The following RNF13 variants were observed in gnomAD, a reference collection of about 807,000 sequenced individuals.
RNF13 encodes the protein E3 ubiquitin-protein ligase RNF13.
Under a neutral mutation model 37.7 loss-of-function variants are expected in RNF13, and 19 were observed. The observed-to-expected ratio is 0.50, with a 90% CI of 0.35 to 0.74. The LOEUF (loss-of-function observed/expected upper bound fraction) is 0.74, where lower values mean the gene tolerates loss of function less well. Among genes scored for constraint, RNF13 ranks in the 30% least tolerant of loss-of-function variants. RNF13 has a pLI of 0.01. For synonymous variants in RNF13, 144 were observed against 157.8 expected (o/e 0.91, Z 0.65); for missense variants, 375 against 453.0 (o/e 0.83, Z 1.56).
intron 1 of RNF13, among the ~76,000 whole-genome samples, chr3:149,835,429 C>A (rs1469868485): frequency 1.3e-5 from 2 of 152,052 alleles, no homozygotes; most frequent in East Asian, 3.9e-4. Context: ...CCCCCTCCTA[C>A]CCTTTCCCCT....
intron 2 of RNF13, among the ~76,000 whole-genome samples, chr3:149,851,869 C>A (rs902098931): frequency 2.0e-5 from 3 of 152,086 alleles, no homozygotes; most frequent in African/African-American, 7.2e-5. Context: ...TCTAAAAGCA[C>A]AAAGAACTTT....
intron 8 of RNF13, among the ~76,000 whole-genome samples, chr3:149,953,447 A>T (rs1008657141): frequency 6.6e-6 from 1 of 152,230 alleles, no homozygotes; most frequent in African/African-American, 2.4e-5. Flanking sequence ...ATATGAAACC[A>T]TGGGAGATGG....
intron 8 of RNF13, among the ~76,000 whole-genome samples, chr3:149,941,415 T>C (rs1258672078): frequency 6.6e-6 from 1 of 152,166 alleles, no homozygotes; most frequent in Non-Finnish European, 1.5e-5. Flanking sequence ...ATTGTTTTGA[T>C]TTGCATTTCC....
At chr3:149,852,712 T>C (rs1270523032) in intron 3 of RNF13, 116 bp downstream of exon 3, 3 of 466,412 alleles carry the variant, frequency 6.4e-6, no homozygotes, top group African/African-American at 6.1e-5. Flanking sequence ...AAAGCCTATA[T>C]ATAGTCATTT....
rs1373839714 is a variant in RNF13, at chr3:149,956,378, G to A, written c.701-3678G>A. On this transcript the variant is annotated intron_variant, in intron 8 of 9. Transcript: ENST00000392894. Reference sequence around the variant, plus strand: ...TCCAGGATCTGGTGACAGATGGTATGAAGGCTCTAAGCAAAAGAAGCATCA... The same window carrying A: ...TCCAGGATCTGGTGACAGATGGTATAAAGGCTCTAAGCAAAAGAAGCATCA... 2.6e-5 allele frequency among the ~76,000 whole-genome samples: 4 copies of A among 152,210 alleles called. No homozygotes were observed. In the East Asian group the frequency reaches 7.7e-4, roughly 29 times the overall value.
At chr3:149,946,561 T>C (rs920423017) in intron 8 of RNF13, among the ~76,000 whole-genome samples, 1 of 152,248 alleles carries the variant, frequency 6.6e-6, no homozygotes, top group Non-Finnish European at 1.5e-5. Flanking sequence ...GCTGTATGTT[T>C]CTAGGAATTT....
rs1317084791 is a variant in RNF13 at position 149,943,047 on chromosome 3, A to G, written c.701-17009A>G. Among the ~76,000 whole-genome samples, 6 of 152,248 alleles carry G rather than the reference A, an allele frequency of 3.9e-5. No individual in the cohort carries two copies. In the East Asian group the frequency reaches 1.2e-3, roughly 29 times the overall value. On this transcript the variant is annotated intron_variant, in intron 8 of 9. Coordinates refer to ENST00000392894, the MANE Select transcript of RNF13 (RefSeq NM_183381.3). ...ATGAATAAGTCCCACTGGTCATGGT[A>G]TATAATCCTTTTAATGTACTGTTGA...
Position 149,961,146 on chromosome 3 carries a change from G to T in RNF13, c.*42G>T, listed in dbSNP as rs769631259. ...GGTTTATTTCCCTTTAAAATGATTA[G>T]GTATATACTGTAATTTGATTTTTTG... On this transcript the variant is annotated 3_prime_UTR_variant, in exon 10 of 10. Transcript: ENST00000392894. 6.6e-7 allele frequency: 1 copy of T among 1,511,082 alleles called. No homozygotes were observed. The highest frequency in any genetic ancestry group is 1.3e-5 in the South Asian group (1 of 76,448). The allele number at this position is 1,511,082 out of a possible 1,614,324, so 93.6% of individuals were successfully genotyped here.
At chr3:149,932,958 G>C (rs367760764) in intron 8 of RNF13, among the ~76,000 whole-genome samples, 31 of 152,226 alleles carry the variant, frequency 2.0e-4, no homozygotes, top group African/African-American at 7.5e-4. Context: ...TTCTGCCTGG[G>C]ACCCAGGCTT....
intron 7 of RNF13, among the ~76,000 whole-genome samples, chr3:149,915,202 T>C (rs928954179): frequency 1.9e-4 from 29 of 152,242 alleles, no homozygotes; most frequent in Non-Finnish European, 4.4e-5. Flanking sequence ...TTCCTTATAT[T>C]CTGGGGATAA....
At chr3:149,846,694 G>T (rs1722671099) in intron 2 of RNF13, among the ~76,000 whole-genome samples, 1 of 152,188 alleles carries the variant, frequency 6.6e-6, no homozygotes, top group Non-Finnish European at 1.5e-5. Context: ...GAGGGTATGT[G>T]TGCACATGTG....
Position 149,860,032 on chromosome 3 carries a change from C to T in RNF13, c.195+7436C>T, listed in dbSNP as rs138321002. ...CTGTAATCCCAGCACTTGGGGAGCC[C>T]GAGGCAGGTGGAGCATTTGAGGTCA... On this transcript the variant is annotated intron_variant, in intron 3 of 9. Transcript: ENST00000392894. Among the ~76,000 whole-genome samples, 246 of 151,588 alleles carry T rather than the reference C, an allele frequency of 1.6e-3. 1 individual carries two copies. Among genetic ancestry groups the T allele is most frequent in the African/African-American group, 5.5e-3 (228 of 41,342 alleles).
intron 6 of RNF13, among the ~76,000 whole-genome samples, 195 bp downstream of exon 6, chr3:149,902,357 A>C (rs929705476): frequency 1.3e-5 from 2 of 152,072 alleles, no homozygotes; most frequent in African/African-American, 4.8e-5. Context: ...GATTATGTTG[A>C]AAATATATTC....
chr3:149,917,482 A>G (rs1439574871), intron 7 of RNF13: 1 of 152,140 alleles, frequency 6.6e-6, no homozygotes, highest in Admixed American at 6.6e-5. Context: ...AGTGAGAAAC[A>G]CTTCCTCCTT....
At chr3:149,821,232 C>T (rs1422403520) in intron 1 of RNF13, among the ~76,000 whole-genome samples, 1 of 152,106 alleles carries the variant, frequency 6.6e-6, no homozygotes, top group Non-Finnish European at 1.5e-5. Flanking sequence ...TTTTTGAGGA[C>T]CTGCCAAACT....
chr3:149,862,104 A>G (rs1724317645), intron 3 of RNF13, among the ~76,000 whole-genome samples: 1 of 152,114 alleles, frequency 6.6e-6, no homozygotes, highest in African/African-American at 2.4e-5. Context: ...GGCATATCCA[A>G]TATCATGGAT....
chr3:149,951,040 C>T (rs548871957), intron 8 of RNF13, among the ~76,000 whole-genome samples: 9 of 152,196 alleles, frequency 5.9e-5, no homozygotes, highest in African/African-American at 2.2e-4. Context: ...ATGCTTCTCC[C>T]GACCACCCCC....
intron 8 of RNF13, among the ~76,000 whole-genome samples, chr3:149,938,599 C>T (rs1374315207): frequency 6.6e-6 from 1 of 151,816 alleles, no homozygotes; most frequent in Non-Finnish European, 1.5e-5. Flanking sequence ...CTTACTCTCA[C>T]ATTTTTTGGA....
chr3:149,937,025 G>A (rs1293979238), intron 8 of RNF13, among the ~76,000 whole-genome samples: 1 of 152,122 alleles, frequency 6.6e-6, no homozygotes, highest in Non-Finnish European at 1.5e-5. Context: ...GTGGGGAAGG[G>A]AATTAGCTAG....
Sources: allele counts gnomAD v4.1 joint callset (sites outside exome capture counted in the v4.1 genomes callset), GRCh38; gene constraint gnomAD v4.1.1; transcripts MANE v1.5; gene names NCBI Gene and HGNC (gene_info 2026-07-23, HGNC 2026-07-21).